Variants in UNC79 observed in about 807,000 individuals in gnomAD.
UNC79 encodes the protein unc-79 subunit of NALCN channel complex.
Under a neutral mutation model 283.1 loss-of-function variants are expected in UNC79, and 37 were observed. The ratio of observed to expected loss-of-function variants is 0.13; its 90% CI spans 0.10 to 0.17. The LOEUF (loss-of-function observed/expected upper bound fraction) is 0.17, where lower values mean the gene tolerates loss of function less well. UNC79 is among the 10% of genes least tolerant of loss of function. The pLI, the probability that UNC79 is intolerant of heterozygous loss-of-function variation, is 1.00. For missense variants in UNC79, 2,272 were observed against 3,211.1 expected (o/e 0.71, Z 7.07); for synonymous variants, 1,107 against 1,200.2 (o/e 0.92, Z 1.61).
chr14:93,598,607 C>T (rs541254953), intron 24 of UNC79, among the ~76,000 whole-genome samples: 6 of 151,140 alleles, frequency 4.0e-5, no homozygotes, highest in East Asian at 2.0e-4. Context: ...CTGCAACCTC[C>T]GCCTCCCGGG....
At chr14:93,580,351 C>T in exon 19 of UNC79, 1 of 1,613,938 alleles carries the variant, frequency 6.2e-7, no homozygotes, top group East Asian at 2.2e-5. Context: ...GAGAGACTAG[C>T]TCCTAAAGAA....
chr14:93,352,294 C>T (rs2139915953), intron 1 of UNC79, among the ~76,000 whole-genome samples: 2 of 152,304 alleles, frequency 1.3e-5, no homozygotes, highest in Middle Eastern at 6.8e-3. Context: ...CTTTTTCCTT[C>T]TCTAACTTTG....
intron 27 of UNC79, among the ~76,000 whole-genome samples, chr14:93,616,240 G>T (rs1361946578): frequency 6.6e-6 from 1 of 151,988 alleles, no homozygotes; most frequent in Non-Finnish European, 1.5e-5. Flanking sequence ...AGTTTGGGGT[G>T]ACTATAAACA....
chr14:93,562,430 C>T (rs949831867), intron 14 of UNC79, among the ~76,000 whole-genome samples: 4 of 152,142 alleles, frequency 2.6e-5, no homozygotes, highest in Admixed American at 6.5e-5. Context: ...CAAGAAAGTG[C>T]GTCCACATAA....
At chr14:93,697,672 A>G (rs2075246343) in intron 47 of UNC79, among the ~76,000 whole-genome samples, 1 of 152,092 alleles carries the variant, frequency 6.6e-6, no homozygotes, top group African/African-American at 2.4e-5. Flanking sequence ...TTGGAGGGCC[A>G]AGGAGGGAGG....
At chr14:93,582,076 C>A in intron 19 of UNC79, 127 bp from the exon 20 acceptor site, 2 of 1,428,028 alleles carry the variant, frequency 1.4e-6, no homozygotes, top group Non-Finnish European at 1.9e-6. Context: ...GGTGCCTTGG[C>A]CTCTGGCCTC....
intron 7 of UNC79, among the ~76,000 whole-genome samples, chr14:93,513,676 G>T (rs961565732): frequency 4.6e-5 from 7 of 152,088 alleles, no homozygotes; most frequent in Non-Finnish European, 1.0e-4. Flanking sequence ...GACATTTCAA[G>T]TCGTCTCTTC....
rs138861026 is a variant in UNC79, at chr14:93,564,134, G to A, written c.1756-7760G>A. Among the ~76,000 whole-genome samples, 891 of 152,334 alleles carry A rather than the reference G, an allele frequency of 5.8e-3. 11 individuals carry two copies. The highest frequency in any genetic ancestry group is 0.02 in the African/African-American group (844 of 41,572). ...GACTGCACAGCCCTGCACTTCGGCT[G>A]TGTGCAATGAAAAGGGTTGGGATGA... On this transcript the variant is annotated intron_variant, in intron 14 of 48. Coordinates refer to ENST00000555664, the Ensembl canonical transcript of UNC79.
Position 93,357,762 on chromosome 14 carries a change from T to TGG in UNC79, c.-351+24239_-351+24240insGG, listed in dbSNP as rs1566889812. ...ATATATATATGGATATATGGATATA[T>TGG]ATATATGGATATGTGGATATATGGA... On this transcript the variant is annotated intron_variant, in intron 1 of 49. Transcript: ENST00000256339. Among the ~76,000 whole-genome samples the TGG allele has an allele frequency of 5.1e-4, 65 of 126,970 alleles. 1 individual carries two copies. Among genetic ancestry groups the TGG allele is most frequent in the African/African-American group, 2.1e-3 (60 of 28,710 alleles). 83.3% of individuals were successfully genotyped at this position (126,970 alleles called of 152,430 possible).
intron 4 of UNC79, among the ~76,000 whole-genome samples, chr14:93,480,994 A>G (rs570942017): frequency 6.6e-6 from 1 of 152,314 alleles, no homozygotes; most frequent in South Asian, 2.1e-4. Context: ...GACCTAGAAG[A>G]TAAAGTTCTG....
At chr14:93,648,304 AT>A (rs2069855103) in intron 35 of UNC79, among the ~76,000 whole-genome samples, 1 of 152,148 alleles carries the variant, frequency 6.6e-6, no homozygotes, top group South Asian at 2.1e-4. Flanking sequence ...AGGAAAAAAA[AT>A]TTTGAGGACC....
At chr14:93,371,947 G>A (rs888744692) in intron 1 of UNC79, among the ~76,000 whole-genome samples, 3 of 152,018 alleles carry the variant, frequency 2.0e-5, no homozygotes, top group Admixed American at 6.6e-5. Context: ...CTATAACCTC[G>A]AATCCCATAA....
chr14:93,519,394 T>A (rs1267905806), intron 7 of UNC79, among the ~76,000 whole-genome samples: 2 of 151,804 alleles, frequency 1.3e-5, no homozygotes, highest in Non-Finnish European at 3.0e-5. Flanking sequence ...TATCTGAGCC[T>A]TTATAATTTA....
chr14:93,366,955 C>G (rs2054348586), intron 1 of UNC79, among the ~76,000 whole-genome samples: 1 of 152,146 alleles, frequency 6.6e-6, no homozygotes, highest in African/African-American at 2.4e-5. Flanking sequence ...TTACCAAGGA[C>G]ACATCCTCTG....
intron 5 of UNC79, among the ~76,000 whole-genome samples, chr14:93,495,419 C>T (rs768436889): frequency 5.3e-5 from 8 of 152,132 alleles, no homozygotes; most frequent in Non-Finnish European, 8.8e-5. Flanking sequence ...ACTGCCCCCA[C>T]GATCCAATCA....
chr14:93,354,201 G>A (rs1299652346), intron 1 of UNC79, among the ~76,000 whole-genome samples: 2 of 152,096 alleles, frequency 1.3e-5, no homozygotes, highest in South Asian at 2.1e-4. Flanking sequence ...TGAGTGAGAA[G>A]GAAAGTGATA....
chr14:93,440,478 A>T (rs2056257369), intron 1 of UNC79, among the ~76,000 whole-genome samples: 1 of 142,670 alleles, frequency 7.0e-6, no homozygotes, highest in African/African-American at 2.6e-5. Context: ...TTTTTCCTTG[A>T]TTTCTTTGTT....
chr14:93,641,860 G>T (rs770666773), intron 33 of UNC79, among the ~76,000 whole-genome samples: 1 of 152,098 alleles, frequency 6.6e-6, no homozygotes, highest in Non-Finnish European at 1.5e-5. Context: ...AATCATGGGG[G>T]CAGTTTCCCC....
At chr14:93,702,477 C>G (rs528597949) in intron 47 of UNC79, among the ~76,000 whole-genome samples, 1 of 152,176 alleles carries the variant, frequency 6.6e-6, no homozygotes, top group Non-Finnish European at 1.5e-5. Flanking sequence ...TTATATACAT[C>G]AACAGAATGT....
Sources: gnomAD v4.1 joint callset for allele counts (sites outside exome capture counted in the v4.1 genomes callset) on GRCh38, gnomAD v4.1.1 for gene constraint, MANE v1.5 for transcripts, NCBI Gene and HGNC (gene_info 2026-07-23, HGNC 2026-07-21) for gene names.